VTA1: variants seen among roughly 807,000 people sequenced by gnomAD.
VTA1 encodes vesicle trafficking 1, also known as vacuolar protein sorting-associated protein VTA1 homolog.
In VTA1, 24 loss-of-function variants were observed where a neutral mutation model predicts 36.9. That is an observed-to-expected ratio of 0.65 (90% confidence interval 0.47 to 0.91). VTA1 has a LOEUF of 0.91. Among genes scored for constraint, VTA1 ranks in the 40% least tolerant of loss-of-function variants. VTA1 has a pLI of 0.00. For missense variants in VTA1, 393 were observed against 377.2 expected, an observed-to-expected ratio of 1.04 and a Z score of -0.35; for synonymous variants, 142 against 130.2, an observed-to-expected ratio of 1.09 and a Z score of -0.62.
At chr6:142,195,709 T>A (rs1309764629) in intron 5 of VTA1, among the ~76,000 whole-genome samples, 1 of 151,470 alleles carries the variant, frequency 6.6e-6, no homozygotes, top group East Asian at 1.9e-4. Flanking sequence ...CCTCTAAGCA[T>A]TGGTTTAGTG....
At chr6:142,181,092 A>ATATAT (rs1201647610) in intron 4 of VTA1, among the ~76,000 whole-genome samples, 14 of 41,924 alleles carry the variant, frequency 3.3e-4, no homozygotes, top group South Asian at 2.6e-3. Flanking sequence ...AAAAAAAAAA[A>ATATAT]AAATATATAT....
intron 4 of VTA1, among the ~76,000 whole-genome samples, chr6:142,180,850 A>G (rs570856516): frequency 1.8e-4 from 28 of 152,020 alleles, no homozygotes; most frequent in African/African-American, 6.5e-4. Flanking sequence ...GTATTTTTTA[A>G]AAAGTCAAGG....
Position 142,169,749 on chromosome 6 carries a change from C to G in VTA1, c.335+72C>G, listed in dbSNP as rs566145170. 5.3e-6 allele frequency: 7 copies of G among 1,325,920 alleles called. No individual in the cohort carries two copies. The South Asian group carries it at 7.1e-5, about 13-fold the overall frequency. The allele number at this position is 1,325,920 out of a possible 1,614,324, so 82.1% of individuals were successfully genotyped here. On this transcript the variant is annotated intron_variant, in intron 3 of 7. Coordinates refer to ENST00000367630, the MANE Select transcript of VTA1 (RefSeq NM_016485.5). Reference sequence around the variant, plus strand: ...TATAACCAAAATTAACTAGTTTTCTCTGGAACACTTTCTAACCTGCTGATT... The same window carrying G: ...TATAACCAAAATTAACTAGTTTTCTGTGGAACACTTTCTAACCTGCTGATT...
chr6:142,206,388 A>T (rs1775790884), intron 7 of VTA1, among the ~76,000 whole-genome samples: 1 of 152,262 alleles, frequency 6.6e-6, no homozygotes, highest in Admixed American at 6.5e-5. Context: ...TCAGGTATAA[A>T]TGTAACAAAA....
At chr6:142,169,065 G>A (rs1314175750) in intron 2 of VTA1, among the ~76,000 whole-genome samples, 1 of 151,914 alleles carries the variant, frequency 6.6e-6, no homozygotes, top group East Asian at 1.9e-4. Flanking sequence ...CACTGTGCCC[G>A]GCCGAGAGAT....
chr6:142,164,781 A>T (rs1310227687), intron 1 of VTA1, among the ~76,000 whole-genome samples: 2 of 152,196 alleles, frequency 1.3e-5, no homozygotes, highest in Non-Finnish European at 2.9e-5. Flanking sequence ...AATGATAAAA[A>T]TGACATTTAA....
intron 1 of VTA1, among the ~76,000 whole-genome samples, chr6:142,147,731 G>C (rs1470570496): frequency 6.6e-6 from 1 of 152,206 alleles, no homozygotes; most frequent in East Asian, 1.9e-4. Context: ...AAAATAAATT[G>C]AGTTAGGTTT....
chr6:142,172,108 T>G (rs1006594965), intron 4 of VTA1, among the ~76,000 whole-genome samples: 4 of 152,128 alleles, frequency 2.6e-5, no homozygotes, highest in Non-Finnish European at 5.9e-5. Flanking sequence ...CCTCCTGGGT[T>G]CAAGTGATTC....
At chr6:142,204,110 T>TG in intron 7 of VTA1, 45 bp downstream of exon 7, 1 of 1,567,746 alleles carries the variant, frequency 6.4e-7, no homozygotes, top group Non-Finnish European at 8.8e-7. Context: ...TCTCCTGTTT[T>TG]GGGTTGCTGT....
At chr6:142,175,963 C>T (rs1294392390) in intron 4 of VTA1, among the ~76,000 whole-genome samples, 2 of 152,008 alleles carry the variant, frequency 1.3e-5, no homozygotes, top group African/African-American at 4.8e-5. Context: ...TATTATCATT[C>T]CATCACAACA....
At position 142,218,660 on chromosome 6, in the gene VTA1, AC is replaced by A. The variant is rs752046278; in HGVS notation, c.*20del. The A allele has an allele frequency of 1.3e-6, 2 of 1,589,134 alleles. No individual in the cohort carries two copies. The highest frequency in any genetic ancestry group is 1.7e-6 in the Non-Finnish European group (2 of 1,171,328). ...AGAGAATGAAGCCTTTGTATGACAG[AC>A]CCATGTATTTTTGGCATGAGGAACT... On this transcript the variant is annotated 3_prime_UTR_variant, in exon 8 of 8. Transcript: ENST00000367630.
At chr6:142,210,611 G>A (rs1775885511) in intron 7 of VTA1, among the ~76,000 whole-genome samples, 1 of 151,994 alleles carries the variant, frequency 6.6e-6, no homozygotes, top group Non-Finnish European at 1.5e-5. Flanking sequence ...TTCAAAAATG[G>A]GCAAAAGATC....
Position 142,219,942 on chromosome 6 carries a change from T to TA in VTA1, c.*1304dup, listed in dbSNP as rs1370013863. The TA allele has an allele frequency of 6.6e-6, 1 of 152,210 alleles. No individual in the cohort carries two copies. Among genetic ancestry groups the TA allele is most frequent in the Middle Eastern group, 3.2e-3 (1 of 316 alleles). The allele number at this position is 152,210 out of a possible 1,614,324, so 9.4% of individuals were successfully genotyped here. On this transcript the variant is annotated 3_prime_UTR_variant, in exon 8 of 8. Transcript: ENST00000367630. The stretch of plus-strand genomic sequence containing the variant: ...TGCAGAGTTGTATGGCTTGCAAGTC[T>TA]AAAAACATTTACTATTTGGCCCTCT...
At chr6:142,211,390 A>C (rs1775899493) in intron 7 of VTA1, among the ~76,000 whole-genome samples, 1 of 152,188 alleles carries the variant, frequency 6.6e-6, no homozygotes, top group Non-Finnish European at 1.5e-5. Context: ...TGACTTTTTA[A>C]ATGCATGACC....
At chr6:142,172,544 T>G (rs1384362719) in intron 4 of VTA1, among the ~76,000 whole-genome samples, 1 of 152,132 alleles carries the variant, frequency 6.6e-6, no homozygotes, top group Non-Finnish European at 1.5e-5. Flanking sequence ...ATACCCGGAG[T>G]GTGAAAACCT....
intron 6 of VTA1, among the ~76,000 whole-genome samples, chr6:142,201,984 G>C (rs1346848846): frequency 6.6e-6 from 1 of 151,850 alleles, no homozygotes; most frequent in African/African-American, 2.4e-5. Flanking sequence ...AAATTACTTA[G>C]CAATGAATGA....
intron 7 of VTA1, among the ~76,000 whole-genome samples, chr6:142,208,949 C>A (rs225697): frequency 0.38 from 57,936 of 151,982 alleles, 13,211 homozygotes; most frequent in Middle Eastern, 0.54. Flanking sequence ...GGTGTAAAAT[C>A]CACTGGTAGA....
At chr6:142,209,708 T>C (rs1298224407) in intron 7 of VTA1, among the ~76,000 whole-genome samples, 1 of 151,658 alleles carries the variant, frequency 6.6e-6, no homozygotes, top group Non-Finnish European at 1.5e-5. Context: ...TGTGTATATA[T>C]TAATAACAGA....
chr6:142,214,028 G>A (rs1226216886), intron 7 of VTA1, among the ~76,000 whole-genome samples: 1 of 152,072 alleles, frequency 6.6e-6, no homozygotes, highest in Non-Finnish European at 1.5e-5. Flanking sequence ...TGATCAGGCT[G>A]CAAATTTTCC....
Sources: gnomAD v4.1 joint callset for allele counts (sites outside exome capture counted in the v4.1 genomes callset) on GRCh38, gnomAD v4.1.1 for gene constraint, MANE v1.5 for transcripts, NCBI Gene and HGNC (gene_info 2026-07-23, HGNC 2026-07-21) for gene names.